Variants in PLXDC2 observed in about 807,000 individuals in gnomAD.
PLXDC2 encodes the protein plexin domain-containing protein 2.
In PLXDC2, 40 loss-of-function variants were observed where a neutral mutation model predicts 68.9. That is an observed-to-expected ratio of 0.58 (90% CI 0.45 to 0.76). The LOEUF (loss-of-function observed/expected upper bound fraction) is 0.76. Ranked by LOEUF, PLXDC2 falls within the 30% of genes least tolerant of loss-of-function variation. PLXDC2 has a pLI of 0.00. For synonymous variants in PLXDC2, 243 were observed against 234.2 expected (o/e 1.04, Z -0.34); for missense variants, 644 against 661.9 (o/e 0.97, Z 0.30).
intron 2 of PLXDC2, among the ~76,000 whole-genome samples, chr10:20,005,845 G>A (rs1451137687): frequency 6.6e-6 from 1 of 152,092 alleles, no homozygotes; most frequent in Non-Finnish European, 1.5e-5. Flanking sequence ...GATTCGGAAG[G>A]GACAAATACA....
intron 12 of PLXDC2, among the ~76,000 whole-genome samples, chr10:20,221,952 A>G (rs947858810): frequency 6.6e-6 from 1 of 152,170 alleles, no homozygotes; most frequent in Admixed American, 6.6e-5. Flanking sequence ...AAGTTTTATT[A>G]TGTATATTTG....
chr10:19,988,678 G>A (rs1213668018), intron 1 of PLXDC2, among the ~76,000 whole-genome samples: 1 of 144,816 alleles, frequency 6.9e-6, no homozygotes, highest in East Asian at 2.2e-4. Context: ...AGTGCTTTCA[G>A]TATTGTTATT....
intron 1 of PLXDC2, among the ~76,000 whole-genome samples, chr10:19,828,666 A>G (rs1046783549): frequency 2.6e-5 from 4 of 152,236 alleles, no homozygotes; most frequent in Non-Finnish European, 5.9e-5. Flanking sequence ...TGGACATTGC[A>G]AAACAGCTCC....
At chr10:20,130,150 C>T (rs1359349623) in intron 4 of PLXDC2, among the ~76,000 whole-genome samples, 2 of 151,966 alleles carry the variant, frequency 1.3e-5, no homozygotes, top group African/African-American at 4.8e-5. Context: ...CATCTATGAT[C>T]ACAGGATATC....
intron 4 of PLXDC2, among the ~76,000 whole-genome samples, chr10:20,072,275 C>G (rs1219189297): frequency 6.6e-6 from 1 of 151,586 alleles, no homozygotes; most frequent in Non-Finnish European, 1.5e-5. Flanking sequence ...GAGGCGGCGA[C>G]AGGAGAATCG....
intron 4 of PLXDC2, among the ~76,000 whole-genome samples, chr10:20,116,113 A>T (rs887331136): frequency 5.3e-5 from 8 of 152,238 alleles, no homozygotes; most frequent in African/African-American, 1.9e-4. Context: ...AAACCAGGTT[A>T]TCAATCACAA....
At chr10:20,162,170 AAAG>A (rs1302680778) in intron 6 of PLXDC2, among the ~76,000 whole-genome samples, 3 of 147,196 alleles carry the variant, frequency 2.0e-5, no homozygotes, top group South Asian at 2.1e-4. Flanking sequence ...AAGGAAGAGA[AAAG>A]AAGGAAAGAA....
chr10:19,882,825 A>G (rs1225315382), intron 1 of PLXDC2, among the ~76,000 whole-genome samples: 1 of 152,240 alleles, frequency 6.6e-6, no homozygotes, highest in African/African-American at 2.4e-5. Context: ...AACAGTATCA[A>G]GAACAAATAA....
At chr10:20,165,384 C>A (rs757635835) in intron 7 of PLXDC2, among the ~76,000 whole-genome samples, 1 of 152,028 alleles carries the variant, frequency 6.6e-6, no homozygotes, top group East Asian at 1.9e-4. Context: ...CCCACTAACT[C>A]GTCATCTAGC....
intron 1 of PLXDC2, among the ~76,000 whole-genome samples, chr10:19,948,685 C>T (rs757642938): frequency 1.1e-4 from 16 of 151,872 alleles, no homozygotes; most frequent in African/African-American, 2.7e-4. Flanking sequence ...TGCCTTTGAG[C>T]CATGGTTAAC....
intron 1 of PLXDC2, among the ~76,000 whole-genome samples, chr10:19,822,239 A>C (rs11818711): frequency 0.014 from 2,087 of 149,136 alleles, 45 homozygotes; most frequent in African/African-American, 0.047. Flanking sequence ...TGCAATATAT[A>C]ATATAAATGC....
intron 6 of PLXDC2, among the ~76,000 whole-genome samples, chr10:20,158,849 T>C (rs556744698): frequency 1.3e-5 from 2 of 152,270 alleles, no homozygotes; most frequent in South Asian, 4.1e-4. Context: ...AGAGAAAGCC[T>C]GGAATTGTTC....
chr10:19,944,500 T>C (rs990665536), intron 1 of PLXDC2, among the ~76,000 whole-genome samples: 3 of 151,882 alleles, frequency 2.0e-5, no homozygotes, highest in East Asian at 1.9e-4. Flanking sequence ...GCAAATTAAA[T>C]TGACAGAGTT....
intron 9 of PLXDC2, among the ~76,000 whole-genome samples, chr10:20,202,171 G>T (rs1036031081): frequency 8.6e-5 from 13 of 151,982 alleles, no homozygotes; most frequent in Non-Finnish European, 1.5e-4. Flanking sequence ...GCTTTATGTG[G>T]ATCTTTATAA....
intron 1 of PLXDC2, among the ~76,000 whole-genome samples, chr10:19,827,548 T>C: frequency 8.9e-6 from 1 of 112,570 alleles, no homozygotes; most frequent in Non-Finnish European, 1.8e-5. Flanking sequence ...TTCATAACAA[T>C]TTTCTTTTTC....
chr10:20,021,062 A>G (rs534611236), intron 2 of PLXDC2, among the ~76,000 whole-genome samples: 1 of 152,368 alleles, frequency 6.6e-6, no homozygotes, highest in East Asian at 1.9e-4. Flanking sequence ...TAAACAAAAT[A>G]TAGTATACAG....
intron 9 of PLXDC2, among the ~76,000 whole-genome samples, chr10:20,206,642 G>A (rs1324162884): frequency 6.6e-6 from 1 of 152,068 alleles, no homozygotes; most frequent in African/African-American, 2.4e-5. Flanking sequence ...GGTCAGAGTG[G>A]TAAGAATCCC....
intron 4 of PLXDC2, among the ~76,000 whole-genome samples, chr10:20,126,222 AATACATATACGTTGTATAATACATAT>A (rs1833774395): frequency 2.7e-5 from 4 of 147,170 alleles, no homozygotes; most frequent in African/African-American, 4.9e-5. Context: ...TATGTTATAT[AATACATATACGTTGTATAATACATAT>A]ATACATATAC....
intron 1 of PLXDC2, among the ~76,000 whole-genome samples, chr10:19,969,998 A>T (rs1172795802): frequency 6.6e-6 from 1 of 152,216 alleles, no homozygotes; most frequent in Non-Finnish European, 1.5e-5. Flanking sequence ...AAGTGGCTAC[A>T]TTTTTAGTCT....
Sources: allele counts gnomAD v4.1 joint callset (sites outside exome capture counted in the v4.1 genomes callset), GRCh38; gene constraint gnomAD v4.1.1; transcripts MANE v1.5; gene names NCBI Gene and HGNC (gene_info 2026-07-23, HGNC 2026-07-21).